Variants in GPM6A observed in about 807,000 individuals in gnomAD.
The protein encoded by GPM6A is neuronal membrane glycoprotein M6-a.
In GPM6A, 7 loss-of-function variants were observed where a neutral mutation model predicts 32.1. That is an observed-to-expected ratio of 0.22 (90% CI 0.12 to 0.41). GPM6A has a LOEUF of 0.41. GPM6A is among the 10% of genes least tolerant of loss of function. The probability of loss-of-function intolerance (pLI) is 1.00; values close to 1 mark genes in which losing one functional copy is unlikely to be tolerated. For missense variants in GPM6A, 235 were observed against 347.2 expected, an observed-to-expected ratio of 0.68 and a Z score of 2.57; for synonymous variants, 130 against 123.4, an observed-to-expected ratio of 1.05 and a Z score of -0.35.
At chr4:175,748,040 T>G (rs1243747905) in intron 1 of GPM6A, among the ~76,000 whole-genome samples, 1 of 152,330 alleles carries the variant, frequency 6.6e-6, no homozygotes, top group African/African-American at 2.4e-5. Flanking sequence ...TCAAATTTTA[T>G]CGTGAGATTG....
chr4:175,740,144 A>T (rs1368419324), intron 1 of GPM6A, among the ~76,000 whole-genome samples: 1 of 152,042 alleles, frequency 6.6e-6, no homozygotes, highest in East Asian at 1.9e-4. Context: ...TATTTGTCTC[A>T]CTTGATTTAA....
rs557860875 is a variant in GPM6A, at chr4:175,913,734, C to G, written c.-23+88575G>C. On this transcript the variant is annotated intron_variant, in intron 1 of 7. Coordinates refer to the GPM6A transcript ENST00000280187. Reference sequence around the variant, plus strand: ...CCCTTCATCTCCTTCAAGCCTTTGCCAAAACGTCACTTTCTCAATGAGGCC... The same window carrying G: ...CCCTTCATCTCCTTCAAGCCTTTGCGAAAACGTCACTTTCTCAATGAGGCC... Among the ~76,000 whole-genome samples the G allele has an allele frequency of 4.6e-5, 7 of 152,248 alleles. No individual in the cohort carries two copies. The South Asian group carries it at 1.4e-3, about 32-fold the overall frequency.
At chr4:175,657,513 T>C (rs985072836) in intron 3 of GPM6A, among the ~76,000 whole-genome samples, 9 of 152,298 alleles carry the variant, frequency 5.9e-5, no homozygotes, top group African/African-American at 2.2e-4. Context: ...GAAGACTTAT[T>C]TGATCTTCAA....
chr4:175,802,855 T>G (rs116763944), intron 1 of GPM6A, among the ~76,000 whole-genome samples: 1 of 152,100 alleles, frequency 6.6e-6, no homozygotes, highest in African/African-American at 2.4e-5. Context: ...TAAAAATATG[T>G]GTGGGCTCTT....
intron 2 of GPM6A, among the ~76,000 whole-genome samples, chr4:175,699,305 G>C (rs1744742106): frequency 6.6e-6 from 1 of 151,928 alleles, no homozygotes; most frequent in Admixed American, 6.6e-5. Flanking sequence ...ATCTTTAAAG[G>C]GTTGATTCAT....
At chr4:175,827,903 G>A (rs1735488710) in intron 1 of GPM6A, among the ~76,000 whole-genome samples, 1 of 152,160 alleles carries the variant, frequency 6.6e-6, no homozygotes, top group Non-Finnish European at 1.5e-5. Context: ...GGCCTCAAAT[G>A]TGGTGTCAGT....
intron 3 of GPM6A, among the ~76,000 whole-genome samples, chr4:175,655,061 A>G (rs373232921): frequency 6.6e-6 from 1 of 152,160 alleles, no homozygotes; most frequent in East Asian, 1.9e-4. Context: ...CTGCTACTTT[A>G]CAAGGCAATG....
chr4:175,702,276 G>A (rs970138200), intron 1 of GPM6A, among the ~76,000 whole-genome samples: 3 of 152,168 alleles, frequency 2.0e-5, no homozygotes, highest in Non-Finnish European at 2.9e-5. Context: ...TAAAATCGGG[G>A]TAATTGGGAT....
Position 175,846,363 on chromosome 4 carries a change from T to C in GPM6A, c.-22-34114A>G, listed in dbSNP as rs369193570. ...CTATTTTAAGATCCTAAAACTTCAG[T>C]TTATAAACCTCTTGAATATTGAAAA... On this transcript the variant is annotated intron_variant, in intron 1 of 7. Coordinates refer to the GPM6A transcript ENST00000280187. Among the ~76,000 whole-genome samples the C allele has an allele frequency of 2.0e-5, 3 of 152,132 alleles. No homozygotes were observed. The East Asian group carries it at 5.8e-4, about 29-fold the overall frequency.
chr4:175,751,044 T>C (rs973588883), intron 1 of GPM6A, among the ~76,000 whole-genome samples: 7 of 152,156 alleles, frequency 4.6e-5, no homozygotes, highest in Admixed American at 3.9e-4. Context: ...ACATTGCAAA[T>C]GTGAGACTTG....
chr4:175,714,550 C>T (rs1030891094), intron 1 of GPM6A, among the ~76,000 whole-genome samples: 8 of 147,946 alleles, frequency 5.4e-5, no homozygotes, highest in Non-Finnish European at 1.0e-4. Context: ...TACCTGGTCA[C>T]CAAGACTTTC....
intron 3 of GPM6A, among the ~76,000 whole-genome samples, chr4:175,663,142 A>G (rs948619179): frequency 6.6e-6 from 1 of 152,206 alleles, no homozygotes; most frequent in Non-Finnish European, 1.5e-5. Context: ...TTGGCAATGC[A>G]TTACAAAACT....
intron 1 of GPM6A, among the ~76,000 whole-genome samples, chr4:175,790,686 G>A (rs1372051284): frequency 2.0e-5 from 3 of 152,118 alleles, no homozygotes; most frequent in African/African-American, 7.2e-5. Context: ...AATTTATGAA[G>A]GCATAGGGAA....
chr4:175,640,725 C>G lies in GPM6A; in HGVS notation c.618+28G>C, dbSNP rs574754039. 2.0e-5 allele frequency: 29 copies of G among 1,421,142 alleles called. No individual in the cohort carries two copies. The South Asian group carries it at 3.4e-4, about 16-fold the overall frequency. The allele number at this position is 1,421,142 out of a possible 1,614,324, so 88.0% of individuals were successfully genotyped here. ...TAAAAAATGAATGCTAAAATTCTGACAAAATTAAAGGCTGTAAAAACACTC... is the reference window on the plus strand; with the variant it reads ...TAAAAAATGAATGCTAAAATTCTGAGAAAATTAAAGGCTGTAAAAACACTC... On this transcript the variant is annotated intron_variant, in intron 5 of 6. Transcript: ENST00000393658.
chr4:175,665,816 A>AT (rs937916543), intron 3 of GPM6A, among the ~76,000 whole-genome samples: 7 of 151,714 alleles, frequency 4.6e-5, no homozygotes, highest in Admixed American at 2.0e-4. Flanking sequence ...TAGAATATAC[A>AT]TTTTTTCCAG....
At chr4:175,714,512 G>C (rs1191858296) in intron 1 of GPM6A, among the ~76,000 whole-genome samples, 1 of 152,030 alleles carries the variant, frequency 6.6e-6, no homozygotes, top group Non-Finnish European at 1.5e-5. Flanking sequence ...GCCTCCCAAA[G>C]TGTTGGGATT....
chr4:175,739,259 T>G (rs1731786437), intron 1 of GPM6A, among the ~76,000 whole-genome samples: 1 of 152,196 alleles, frequency 6.6e-6, no homozygotes, highest in Non-Finnish European at 1.5e-5. Flanking sequence ...TTAGGTCATT[T>G]AGTCATCTGG....
In GPM6A at chr4:175,941,877, A is replaced by G. The variant is rs548952698; in HGVS notation, c.-23+60432T>C. Reference sequence around the variant, plus strand: ...CATGTTTATAGAAGAATGATTTATAATCCTTTGGGTATATACCCAGTAATG... The same window carrying G: ...CATGTTTATAGAAGAATGATTTATAGTCCTTTGGGTATATACCCAGTAATG... On this transcript the variant is annotated intron_variant, in intron 1 of 7. Transcript: ENST00000280187. Among the ~76,000 whole-genome samples, 312 of 152,290 alleles carry G rather than the reference A, an allele frequency of 2.0e-3. 1 individual carries two copies. The highest frequency in any genetic ancestry group is 3.7e-3 in the Non-Finnish European group (253 of 68,024).
intron 2 of GPM6A, among the ~76,000 whole-genome samples, chr4:175,678,283 A>G (rs1009644023): frequency 6.6e-6 from 1 of 152,166 alleles, no homozygotes; most frequent in African/African-American, 2.4e-5. Flanking sequence ...AAGTATGTAT[A>G]TTAGCTAAAG....
Sources: gnomAD v4.1 joint callset for allele counts (sites outside exome capture counted in the v4.1 genomes callset) on GRCh38, gnomAD v4.1.1 for gene constraint, MANE v1.5 for transcripts, NCBI Gene and HGNC (gene_info 2026-07-23, HGNC 2026-07-21) for gene names.